PROSER2: variants seen among roughly 807,000 people sequenced by gnomAD.
PROSER2 encodes proline and serine rich 2, also known as proline and serine-rich protein 2.
In PROSER2, 18 loss-of-function variants were observed where a neutral mutation model predicts 14.6. The observed-to-expected ratio is 1.23, with a 90% CI of 0.85 to 1.83. PROSER2 has a LOEUF of 1.83. Ranked by LOEUF, PROSER2 falls within the 40% of genes most tolerant of loss-of-function variation. The pLI, the probability that PROSER2 is intolerant of heterozygous loss-of-function variation, is 0.00. For missense variants in PROSER2, 823 were observed against 629.8 expected (o/e 1.31, Z -3.28); for synonymous variants, 367 against 286.4 (o/e 1.28, Z -2.84).
At chr10:11,857,060 T>A (rs1834134976) in intron 2 of PROSER2, among the ~76,000 whole-genome samples, 1 of 152,182 alleles carries the variant, frequency 6.6e-6, no homozygotes, top group African/African-American at 2.4e-5. Flanking sequence ...ATTTCATACA[T>A]GCCTACTGCA....
intron 2 of PROSER2, among the ~76,000 whole-genome samples, chr10:11,855,326 TA>T (rs1834103501): frequency 6.6e-6 from 1 of 151,674 alleles, no homozygotes; most frequent in Non-Finnish European, 1.5e-5. Flanking sequence ...ACAAAAAAAT[TA>T]GCTGGGCGTG....
intron 1 of PROSER2, among the ~76,000 whole-genome samples, chr10:11,849,197 C>A (rs1025921358): frequency 2.0e-5 from 3 of 151,530 alleles, no homozygotes; most frequent in Non-Finnish European, 4.4e-5. Context: ...AAAAAAAAAA[C>A]AAAAAAACAA....
At position 11,870,053 on chromosome 10, in the gene PROSER2, G is replaced by A; in HGVS notation, c.955G>A (p.Gly319Ser). ...CTCCTCCCCGGAGCGGGTGGCGCGT[G>A]GCCGGGGCCTGCCGGGCCCCGCTGA... Reference protein sequence around the residue: ...GGSSPERVARGRGLPGPAESL... With the variant: ...GGSSPERVARSRGLPGPAESL... The change falls in exon 4 of 4, where the codon GGC becomes AGC. Residue 319 changes from glycine to serine, a missense_variant. Transcript: ENST00000277570. The A allele has an allele frequency of 1.6e-6, 2 of 1,238,304 alleles. No homozygotes were observed. Among genetic ancestry groups the A allele is most frequent in the Non-Finnish European group, 1.0e-6 (1 of 991,244 alleles). The allele number at this position is 1,238,304 out of a possible 1,614,324, so 76.7% of individuals were successfully genotyped here.
Position 11,851,973 on chromosome 10 carries a change from G to T in PROSER2, c.-81-24G>T, listed in dbSNP as rs545597341. ...TTACAGTCTCGGCTTACTGACCATT[G>T]TCATTCGTGTTTGGTGTCTCTAGGA... is the stretch of plus-strand genomic sequence containing the variant. On this transcript the variant is annotated intron_variant, in intron 1 of 3. Coordinates refer to ENST00000277570, the MANE Select transcript of PROSER2 (RefSeq NM_153256.4). 1.4e-5 allele frequency: 17 copies of T among 1,242,986 alleles called. No homozygotes were observed. The African/African-American group carries it at 1.5e-4, about 11-fold the overall frequency. 77.0% of individuals were successfully genotyped at this position (1,242,986 alleles called of 1,614,324 possible).
At chr10:11,840,156 T>G (rs1833816464) in intron 1 of PROSER2, among the ~76,000 whole-genome samples, 2 of 151,970 alleles carry the variant, frequency 1.3e-5, no homozygotes, top group South Asian at 4.2e-4. Flanking sequence ...TTTCGCCATC[T>G]TTGCTGGGCT....
chr10:11,867,768 G>A (rs73569319), intron 3 of PROSER2, among the ~76,000 whole-genome samples: 11 of 152,304 alleles, frequency 7.2e-5, no homozygotes, highest in African/African-American at 2.4e-4. Flanking sequence ...GTTCCTAACA[G>A]GCCAGACCAG....
chr10:11,825,740 G>A (rs1400025635), intron 1 of PROSER2, among the ~76,000 whole-genome samples: 1 of 152,214 alleles, frequency 6.6e-6, no homozygotes, highest in Admixed American at 6.5e-5. Context: ...GGATTGGCAG[G>A]GAAGGACTGT....
chr10:11,832,993 C>T (rs1230082418), intron 1 of PROSER2, among the ~76,000 whole-genome samples: 1 of 152,066 alleles, frequency 6.6e-6, no homozygotes, highest in Non-Finnish European at 1.5e-5. Flanking sequence ...CAGGCACACG[C>T]CACCATGCCC....
Position 11,856,027 on chromosome 10 carries a change from G to A in PROSER2, c.138+3812G>A, listed in dbSNP as rs1237195344. Among the ~76,000 whole-genome samples the A allele has an allele frequency of 6.6e-6, 1 of 152,190 alleles. No homozygotes were observed. Among genetic ancestry groups the A allele is most frequent in the African/African-American group, 2.4e-5 (1 of 41,430 alleles). ...AGTTGTCCAAATCCTAGAATATGTG[G>A]CTACAAAGGCATCCCTTGAATTATG... On this transcript the variant is annotated intron_variant, in intron 2 of 3. Transcript: ENST00000277570. The surrounding 1 kb of genome is among the most constrained non-coding windows in gnomAD (Gnocchi z 5.3).
rs1308160826 is a variant in PROSER2 at position 11,830,515 on chromosome 10, T to C, written c.-82+7045T>C. Among the ~76,000 whole-genome samples the C allele has an allele frequency of 6.6e-6, 1 of 152,214 alleles. No individual in the cohort carries two copies. The highest frequency in any genetic ancestry group is 2.4e-5 in the African/African-American group (1 of 41,442). ...CAAGTGCAGGTGTCTTTTGATGTAA[T>C]GATTTCTCTCCCTGTAGGTAGATAA... On this transcript the variant is annotated intron_variant, in intron 1 of 3. Coordinates refer to ENST00000277570, the MANE Select transcript of PROSER2 (RefSeq NM_153256.4). This position sits in a 1 kb window ranked among gnomAD's most constrained non-coding sequence, Gnocchi z 4.5.
chr10:11,847,160 T>A (rs199948862), intron 1 of PROSER2, among the ~76,000 whole-genome samples: 15,235 of 92,160 alleles, frequency 0.17, 985 homozygotes, highest in Non-Finnish European at 0.22. Context: ...AATAAATATA[T>A]ATATATATAT....
chr10:11,833,624 G>C (rs1833718204), intron 1 of PROSER2, among the ~76,000 whole-genome samples: 1 of 152,090 alleles, frequency 6.6e-6, no homozygotes, highest in Non-Finnish European at 1.5e-5. Context: ...CCAGGAGGCA[G>C]AGGTTGCAGT....
Position 11,871,251 on chromosome 10 carries a change from C to T in PROSER2, c.*845C>T, listed in dbSNP as rs1368052997. 1 of 152,218 alleles carries T rather than the reference C, an allele frequency of 6.6e-6. No homozygotes were observed. Among genetic ancestry groups the T allele is most frequent in the Non-Finnish European group, 1.5e-5 (1 of 68,036 alleles). 9.4% of individuals were successfully genotyped at this position (152,218 alleles called of 1,614,324 possible). A position where few individuals can be genotyped will look rare whatever the true frequency, so the allele number is the denominator to read the frequency against. Reference sequence around the variant, plus strand: ...CCAGCGCTTCCTATTCTTGGGTAGACAGAGCCACCTCAGCATCCTGATGGA... The same window carrying T: ...CCAGCGCTTCCTATTCTTGGGTAGATAGAGCCACCTCAGCATCCTGATGGA... On this transcript the variant is annotated 3_prime_UTR_variant, in exon 4 of 4. Coordinates refer to ENST00000277570, the MANE Select transcript of PROSER2 (RefSeq NM_153256.4).
chr10:11,828,786 C>T (rs11257348), intron 1 of PROSER2, among the ~76,000 whole-genome samples: 4,973 of 152,166 alleles, frequency 0.033, 109 homozygotes, highest in Non-Finnish European at 0.046. Flanking sequence ...GCTGGGAATA[C>T]GGAGGTGACT....
chr10:11,856,830 A>G lies in PROSER2; in HGVS notation c.138+4615A>G, dbSNP rs1157299871. ...GCTTCCCACGTGGCCGGGCCGGAGC[A>G]AAGTCTGAGGAGTGTGCTAGAAATC... On this transcript the variant is annotated intron_variant, in intron 2 of 3. Transcript: ENST00000277570. The surrounding 1 kb of genome is among the most constrained non-coding windows in gnomAD (Gnocchi z 5.3). Among the ~76,000 whole-genome samples, 1 of 152,178 alleles carries G rather than the reference A, an allele frequency of 6.6e-6. No homozygotes were observed. The highest frequency in any genetic ancestry group is 1.5e-5 in the Non-Finnish European group (1 of 68,032).
rs1036115924 is a variant in PROSER2 at position 11,862,295 on chromosome 10, A to G, written c.139-4236A>G. 3.9e-5 allele frequency among the ~76,000 whole-genome samples: 6 copies of G among 152,206 alleles called. No homozygotes were observed. The highest frequency in any genetic ancestry group is 1.4e-4 in the African/African-American group (6 of 41,452). ...TGTGAATATGCAAATTGACAAACTGATACTAAAATTTATGTGGAAATAAAA... is the reference window on the plus strand; with the variant it reads ...TGTGAATATGCAAATTGACAAACTGGTACTAAAATTTATGTGGAAATAAAA... On this transcript the variant is annotated intron_variant, in intron 2 of 3. Coordinates refer to ENST00000277570, the MANE Select transcript of PROSER2 (RefSeq NM_153256.4). This position sits in a 1 kb window ranked among gnomAD's most constrained non-coding sequence, Gnocchi z 4.2.
chr10:11,833,984 C>CTTTTTTTTTTTTTTT (rs35005102), intron 1 of PROSER2, among the ~76,000 whole-genome samples: 1 of 48,242 alleles, frequency 2.1e-5, no homozygotes, highest in Non-Finnish European at 3.4e-5. Context: ...GTAGCTCTTT[C>CTTTTTTTTTTTTTTT]TTTTTTTTTT....
Position 11,866,464 on chromosome 10 carries a change from A to C in PROSER2, c.139-67A>C. On this transcript the variant is annotated intron_variant, in intron 2 of 3. Transcript: ENST00000277570. The surrounding 1 kb of genome is among the most constrained non-coding windows in gnomAD (Gnocchi z 6.0). ...TGTGGACCAATCCCAACTTTGCTTC[A>C]GCTTTTGTCTCTTTAGTGAAGCCAG... 1.9e-6 allele frequency: 3 copies of C among 1,580,816 alleles called. No individual in the cohort carries two copies. The South Asian group carries it at 3.5e-5, about 19-fold the overall frequency.
intron 2 of PROSER2, among the ~76,000 whole-genome samples, chr10:11,858,455 T>C (rs926109814): frequency 2.6e-5 from 4 of 152,334 alleles, no homozygotes; most frequent in African/African-American, 9.6e-5. Flanking sequence ...ATAGACCTTT[T>C]TTCTGCCATC....
Sources: gnomAD v4.1 joint callset for allele counts (sites outside exome capture counted in the v4.1 genomes callset) on GRCh38, gnomAD v4.1.1 for gene constraint, Gnocchi (gnomAD v3.1) non-coding constraint, MANE v1.5 for transcripts, NCBI Gene and HGNC (gene_info 2026-07-23, HGNC 2026-07-21) for gene names.